Variants in ARHGEF12 observed in about 807,000 individuals in gnomAD.
ARHGEF12 encodes the protein KMT2A/ARHGEF12 fusion protein.
Under a neutral mutation model 211.2 loss-of-function variants are expected in ARHGEF12, and 66 were observed. The ratio of observed to expected loss-of-function variants is 0.31; its 90% CI spans 0.26 to 0.38. The LOEUF (loss-of-function observed/expected upper bound fraction) is 0.38. Among genes scored for constraint, ARHGEF12 ranks in the 10% least tolerant of loss-of-function variants. The pLI, the probability that ARHGEF12 is intolerant of heterozygous loss-of-function variation, is 1.00. For missense variants in ARHGEF12, 1,429 were observed against 1,869.5 expected (o/e 0.76, Z 4.34); for synonymous variants, 592 against 638.4 (o/e 0.93, Z 1.09).
At chr11:120,356,908 CTG>C (rs1157548090) in intron 1 of ARHGEF12, among the ~76,000 whole-genome samples, 2 of 152,148 alleles carry the variant, frequency 1.3e-5, no homozygotes, top group Non-Finnish European at 2.9e-5. Flanking sequence ...CACAATTACT[CTG>C]TGAGGTATTC....
At chr11:120,453,015 A>C (rs555101484) in intron 22 of ARHGEF12, among the ~76,000 whole-genome samples, 41 of 142,424 alleles carry the variant, frequency 2.9e-4, no homozygotes, top group East Asian at 9.7e-4. Flanking sequence ...ACAAAAACAA[A>C]AACAAAAAAA....
intron 39 of ARHGEF12, among the ~76,000 whole-genome samples, chr11:120,484,053 C>T (rs1947333201): frequency 6.6e-6 from 1 of 152,226 alleles, no homozygotes; most frequent in South Asian, 2.1e-4. Flanking sequence ...CCATGCCCCA[C>T]CCATAATAAT....
intron 34 of ARHGEF12, 151 bp from the exon 35 acceptor site, chr11:120,477,068 T>C (rs567200645): frequency 4.4e-6 from 3 of 674,280 alleles, no homozygotes; most frequent in Admixed American, 2.8e-5. Context: ...AGATATTCTC[T>C]GGCAGAGTGG....
chr11:120,381,685 A>G (rs572947789), intron 1 of ARHGEF12, among the ~76,000 whole-genome samples: 45 of 151,946 alleles, frequency 3.0e-4, no homozygotes, highest in Admixed American at 1.8e-3. Flanking sequence ...GTTGAAGTTC[A>G]CTCTTTGTAC....
intron 32 of ARHGEF12, 33 bp from the exon 33 acceptor site, chr11:120,475,307 A>G (rs780210878): frequency 1.9e-6 from 3 of 1,596,242 alleles, no homozygotes; most frequent in Middle Eastern, 3.3e-4. Flanking sequence ...CCATTTCTGT[A>G]CTTACCATTT....
intron 1 of ARHGEF12, among the ~76,000 whole-genome samples, chr11:120,384,122 T>A (rs2135464998): frequency 6.6e-6 from 1 of 152,298 alleles, no homozygotes; most frequent in East Asian, 1.9e-4. Context: ...AGTAGCCTAG[T>A]CTGATTTGTT....
rs569875275 is a variant in ARHGEF12 at position 120,444,181 on chromosome 11, C to T, written c.1303-1241C>T. Among the ~76,000 whole-genome samples, 6 of 152,226 alleles carry T rather than the reference C, an allele frequency of 3.9e-5. No homozygotes were observed. The East Asian group carries it at 7.7e-4, about 20-fold the overall frequency. ...AGTGAATTAGTGTTCTGATCCTACT[C>T]CCATTGTTTAAAATATTGTGTTATT... On this transcript the variant is annotated intron_variant, in intron 15 of 40. Coordinates refer to ENST00000397843, the MANE Select transcript of ARHGEF12 (RefSeq NM_015313.3).
intron 26 of ARHGEF12, 120 bp downstream of exon 26, chr11:120,459,440 G>C (rs2305010): frequency 0.4 from 424,583 of 1,048,930 alleles, 88,087 homozygotes; most frequent in African/African-American, 0.57. Flanking sequence ...GAGAATGTAA[G>C]ATAAATAAAG....
chr11:120,421,983 T>C (rs1012210043), intron 6 of ARHGEF12, 131 bp downstream of exon 6: 6 of 631,358 alleles, frequency 9.5e-6, no homozygotes, highest in Admixed American at 6.7e-5. Context: ...CTGTTGACTA[T>C]ACAAACTTAT....
Position 120,479,957 on chromosome 11 carries a change from T to A in ARHGEF12, c.3767-3T>A, listed in dbSNP as rs929106035. 2 of 1,608,500 alleles carry A rather than the reference T, an allele frequency of 1.2e-6. No homozygotes were observed. The highest frequency in any genetic ancestry group is 3.4e-5 in the Admixed American group (2 of 59,700). On this transcript the variant is annotated splice_polypyrimidine_tract_variant and splice_region_variant and intron_variant, in intron 37 of 40. Transcript: ENST00000397843. ...TTTTCCCCCTCCTTCCTAAATCGTTTAGTGGGTTTGTTGAAGCAGTTGCTG... is the reference window on the plus strand; with the variant it reads ...TTTTCCCCCTCCTTCCTAAATCGTTAAGTGGGTTTGTTGAAGCAGTTGCTG...
intron 1 of ARHGEF12, among the ~76,000 whole-genome samples, chr11:120,402,424 A>G (rs894637524): frequency 1.8e-4 from 28 of 152,200 alleles, no homozygotes; most frequent in African/African-American, 5.8e-4. Context: ...ATCAAGTTGC[A>G]GTGTTTTTTC....
intron 17 of ARHGEF12, among the ~76,000 whole-genome samples, 176 bp downstream of exon 17, chr11:120,446,684 A>G (rs1476792931): frequency 1.3e-5 from 2 of 151,984 alleles, no homozygotes; most frequent in Non-Finnish European, 2.9e-5. Context: ...GAGAGTCCAG[A>G]CTCTCCATTC....
At chr11:120,456,293 T>C (rs1410809081) in intron 22 of ARHGEF12, among the ~76,000 whole-genome samples, 1 of 152,206 alleles carries the variant, frequency 6.6e-6, no homozygotes, top group Non-Finnish European at 1.5e-5. Flanking sequence ...ATGTGGACAC[T>C]GAATACCTAA....
Position 120,474,632 on chromosome 11 carries a change from A to G in ARHGEF12, c.3106A>G (p.Ile1036Val), listed in dbSNP as rs1395371294. The G allele has an allele frequency of 5.0e-6, 8 of 1,609,336 alleles. No homozygotes were observed. The highest frequency in any genetic ancestry group is 1.7e-5 in the Admixed American group (1 of 58,706). ...TTGGAAGGTGAATAGAGATAAAACT[A>G]TTGGTAGGTCTGATATTGTCTTTTA... ...LVWKVNRDKT[I>V]DLYTLLLEDI... Residue 1036 changes from isoleucine (I) to valine (V), a missense_variant, in exon 32 of 41, where the codon ATT becomes GTT. Coordinates refer to ENST00000397843, the MANE Select transcript of ARHGEF12 (RefSeq NM_015313.3).
chr11:120,441,943 A>C (rs1945880046), intron 14 of ARHGEF12, 126 bp downstream of exon 14: 3 of 951,604 alleles, frequency 3.2e-6, no homozygotes, highest in Admixed American at 4.9e-5. Flanking sequence ...CAGATACAAA[A>C]GATAATTAAA....
intron 1 of ARHGEF12, among the ~76,000 whole-genome samples, chr11:120,351,137 C>G (rs898076580): frequency 1.3e-5 from 2 of 151,448 alleles, no homozygotes; most frequent in South Asian, 4.2e-4. Flanking sequence ...ATCACAAGGT[C>G]AGGAAATCGA....
intron 1 of ARHGEF12, among the ~76,000 whole-genome samples, chr11:120,373,203 C>G (rs1943635760): frequency 6.6e-6 from 1 of 152,170 alleles, no homozygotes; most frequent in South Asian, 2.1e-4. Context: ...TATAAAGTGA[C>G]AAGGCCCCTC....
chr11:120,407,722 C>T lies in ARHGEF12; in HGVS notation c.57-16C>T, dbSNP rs755692948. ...TTTTCTTGCACTAAGCATTTGATTA[C>T]TTTGCTTTAATTTAGGCATGGAAGT... On this transcript the variant is annotated splice_polypyrimidine_tract_variant and intron_variant, in intron 2 of 40. Transcript: ENST00000397843. 2 of 1,600,794 alleles carry T rather than the reference C, an allele frequency of 1.2e-6. No individual in the cohort carries two copies. Among genetic ancestry groups the T allele is most frequent in the Non-Finnish European group, 1.7e-6 (2 of 1,170,222 alleles).
chr11:120,482,577 C>T (rs12279045), intron 39 of ARHGEF12, among the ~76,000 whole-genome samples: 2 of 151,972 alleles, frequency 1.3e-5, no homozygotes, highest in African/African-American at 2.4e-5. Flanking sequence ...AACCCCGTCT[C>T]TACTAAAAAT....
Sources: gnomAD v4.1 joint callset for allele counts (sites outside exome capture counted in the v4.1 genomes callset) on GRCh38, gnomAD v4.1.1 for gene constraint, MANE v1.5 for transcripts, NCBI Gene and HGNC (gene_info 2026-07-23, HGNC 2026-07-21) for gene names.